Variants in ESCO2 observed in about 807,000 individuals in gnomAD.
The protein encoded by ESCO2 is establishment of sister chromatid cohesion N-acetyltransferase 2.
A neutral mutation model predicts 61.7 loss-of-function variants in ESCO2; 51 were observed. That is an observed-to-expected ratio of 0.83 (90% CI 0.66 to 1.04). The LOEUF (loss-of-function observed/expected upper bound fraction) is 1.04. Among genes scored for constraint, ESCO2 ranks in the 50% least tolerant of loss-of-function variants. The pLI, the probability that ESCO2 is intolerant of heterozygous loss-of-function variation, is 0.00. For synonymous variants in ESCO2, 230 were observed against 238.2 expected (o/e 0.97, Z 0.32); for missense variants, 692 against 686.2 (o/e 1.01, Z -0.09).
chr8:27,810,805 C>T (rs1050649059), downstream of ESCO2, among the ~76,000 whole-genome samples: 1 of 152,152 alleles, frequency 6.6e-6, no homozygotes, highest in African/African-American at 2.4e-5. Context: ...ATTTTTCTCC[C>T]TATTCTCAAT....
At chr8:27,789,029 G>C in intron 7 of ESCO2, 51 bp downstream of exon 7, 2 of 1,610,208 alleles carry the variant, frequency 1.2e-6, no homozygotes, top group Non-Finnish European at 1.7e-6. Context: ...AACTAAAAGA[G>C]ACATTTCTTT....
At chr8:27,799,883 C>T (rs1009020687) in intron 10 of ESCO2, among the ~76,000 whole-genome samples, 167 bp downstream of exon 10, 1 of 150,092 alleles carries the variant, frequency 6.7e-6, no homozygotes, top group African/African-American at 2.5e-5. Flanking sequence ...ACTAGATGTA[C>T]TCAGTCTAGG....
chr8:27,802,643 ATATATATATATAT>A lies in ESCO2; in HGVS notation c.1674-649_1674-637del, dbSNP rs1172472686. Among the ~76,000 whole-genome samples the A allele has an allele frequency of 3.8e-3, 285 of 74,280 alleles. 7 individuals carry two copies. Among genetic ancestry groups the A allele is most frequent in the Middle Eastern group, 8.1e-3 (1 of 124 alleles). 48.7% of individuals were successfully genotyped at this position (74,280 alleles called of 152,430 possible). A position where few individuals can be genotyped will look rare whatever the true frequency, so the allele number is the denominator to read the frequency against. On this transcript the variant is annotated intron_variant, in intron 10 of 10. Coordinates refer to ENST00000305188, the MANE Select transcript of ESCO2 (RefSeq NM_001017420.3). Reference sequence around the variant, plus strand: ...AAAAAAAAAAAAAATATATATATATATATATATATATATTATATATATATATATATAGTTACTG... The same window carrying A: ...AAAAAAAAAAAAAATATATATATATATATATATATATATATATAGTTACTG...
chr8:27,813,094 T>G (rs1805727960), downstream of ESCO2, among the ~76,000 whole-genome samples: 1 of 152,120 alleles, frequency 6.6e-6, no homozygotes, highest in Non-Finnish European at 1.5e-5. Flanking sequence ...AATGACTGGA[T>G]TAAGAAAATG....
chr8:27,773,421 T>C (rs978596354), upstream of ESCO2, among the ~76,000 whole-genome samples: 9 of 150,960 alleles, frequency 6.0e-5, no homozygotes, highest in African/African-American at 2.2e-4. Flanking sequence ...AAAACCTGCT[T>C]GTAGCAAAGG....
At chr8:27,786,633 T>C (rs977445982) in intron 5 of ESCO2, among the ~76,000 whole-genome samples, 1 of 152,218 alleles carries the variant, frequency 6.6e-6, no homozygotes, top group African/African-American at 2.4e-5. Flanking sequence ...ACAGCAAGTA[T>C]ATTTAGTGAA....
chr8:27,803,155 T>C (rs1805487886), intron 10 of ESCO2, 151 bp from the exon 11 acceptor site: 9 of 695,358 alleles, frequency 1.3e-5, no homozygotes, highest in Non-Finnish European at 1.9e-5. Context: ...TGAAATGATA[T>C]CATTAGACTT....
chr8:27,789,063 G>A lies in ESCO2; in HGVS notation c.1263+85G>A, dbSNP rs561101877. 9.2e-5 allele frequency: 143 copies of A among 1,548,214 alleles called. 2 individuals carry two copies. The highest frequency in any genetic ancestry group is 7.6e-4 in the South Asian group (66 of 87,364). ...TTTCCACCACCTCTACCACCCAGCCGGAAAAGTTAACTTTTAATGATGATG... is the reference window on the plus strand; with the variant it reads ...TTTCCACCACCTCTACCACCCAGCCAGAAAAGTTAACTTTTAATGATGATG... On this transcript the variant is annotated intron_variant, in intron 7 of 10. Coordinates refer to ENST00000305188, the MANE Select transcript of ESCO2 (RefSeq NM_001017420.3).
rs1804807292 is a variant in ESCO2, at chr8:27,776,964, T to C, written c.656T>C (p.Leu219Pro). The C allele has an allele frequency of 6.2e-7, 1 of 1,613,042 alleles. No homozygotes were observed. The highest frequency in any genetic ancestry group is 1.3e-5 in the African/African-American group (1 of 74,776). ...TTTTTTGTTAGAAAAAAATCTTCTC[T>C]TAGAAAATCGTCCCTGGAAAATGAG... ...AAFFVRKKSSLRKSSLENEPS... is the reference protein window; with the variant it reads ...AAFFVRKKSSPRKSSLENEPS... Residue 219 changes from leucine to proline, a missense_variant, in exon 3 of 11, where the codon CTT becomes CCT. Coordinates refer to ENST00000305188, the MANE Select transcript of ESCO2 (RefSeq NM_001017420.3).
At position 27,804,963 on chromosome 8, in the gene ESCO2, A is replaced by C; in HGVS notation, c.*1525A>C. 1 of 316,970 alleles carries C rather than the reference A, an allele frequency of 3.2e-6. No individual in the cohort carries two copies. Among genetic ancestry groups the C allele is most frequent in the Non-Finnish European group, 4.6e-6 (1 of 219,456 alleles). The allele number at this position is 316,970 out of a possible 1,614,324, so 19.6% of individuals were successfully genotyped here. ...AGTATATGTTAAATAAAATTCAGAT[A>C]ATACAGAAATAGAGATTGCCAAAAG... is the stretch of plus-strand genomic sequence containing the variant. On this transcript the variant is annotated 3_prime_UTR_variant, in exon 11 of 11. Transcript: ENST00000305188.
chr8:27,809,134 C>T (rs983773646), downstream of ESCO2, among the ~76,000 whole-genome samples: 3 of 152,236 alleles, frequency 2.0e-5, no homozygotes, highest in African/African-American at 7.2e-5. Context: ...GCTCTGTTGG[C>T]TTGGCAAAGA....
At chr8:27,774,788 C>T (rs1405649388) in intron 1 of ESCO2, 181 bp downstream of exon 1, 7 of 152,270 alleles carry the variant, frequency 4.6e-5, no homozygotes, top group African/African-American at 1.7e-4. Flanking sequence ...GCCGGGTTTC[C>T]CTCTTCCCGA....
At chr8:27,814,795 T>G (rs1805779290), downstream of ESCO2, among the ~76,000 whole-genome samples, 5 of 152,186 alleles carry the variant, frequency 3.3e-5, no homozygotes, top group South Asian at 1.0e-3. Context: ...TTCCAAATAC[T>G]TGGGGTTTCC....
At chr8:27,778,140 A>G (rs1185712859) in intron 3 of ESCO2, 3 of 152,352 alleles carry the variant, frequency 2.0e-5, no homozygotes, top group African/African-American at 7.2e-5. Flanking sequence ...CTGAGCCTTC[A>G]TTTCTACATG....
rs143231066 is a variant in ESCO2, at chr8:27,776,697, C to T, written c.389C>T (p.Pro130Leu). The T allele has an allele frequency of 8.7e-6, 14 of 1,613,522 alleles. No homozygotes were observed. Among genetic ancestry groups the T allele is most frequent in the Non-Finnish European group, 1.2e-5 (14 of 1,179,992 alleles). ...PIVTEKMQGK[P>L]VCSKKNNKKP... ...GTGACAGAAAAAATGCAAGGAAAAC[C>T]AGTCTGCTCCAAGAAGAACAACAAA... Residue 130 changes from proline (P) to leucine (L), a missense_variant, in exon 3 of 11, where the codon CCA (proline) becomes CTA (leucine). Physicochemically the swap from Pro to Leu is moderately conservative, Grantham distance 98. Coordinates refer to ENST00000305188, the MANE Select transcript of ESCO2 (RefSeq NM_001017420.3).
chr8:27,793,443 A>G (rs1257783736), intron 9 of ESCO2, among the ~76,000 whole-genome samples: 1 of 151,118 alleles, frequency 6.6e-6, no homozygotes, highest in African/African-American at 2.4e-5. Flanking sequence ...TGATGAGAAC[A>G]TTAAATCTAC....
chr8:27,792,711 A>C lies in ESCO2; in HGVS notation c.1397A>C (p.Gln466Pro), dbSNP rs1284573244. ...CTTGTTGATAATGAATTGGGCTTCCAGCAAGTTGTTCCTAAATGTCCAAAC... is the reference window on the plus strand; with the variant it reads ...CTTGTTGATAATGAATTGGGCTTCCCGCAAGTTGTTCCTAAATGTCCAAAC... ...QELVDNELGF[Q>P]QVVPKCPNKI... is the part of the protein sequence containing the mutation. Residue 466 changes from glutamine (Q) to proline (P), a missense_variant, in exon 9 of 11, where the codon CAG becomes CCG. By Grantham distance (76) the Gln-to-Pro change is moderately conservative. Transcript: ENST00000305188. 3 of 1,612,694 alleles carry C rather than the reference A, an allele frequency of 1.9e-6. No individual in the cohort carries two copies. Among genetic ancestry groups the C allele is most frequent in the Non-Finnish European group, 2.5e-6 (3 of 1,179,654 alleles).
intron 9 of ESCO2, among the ~76,000 whole-genome samples, chr8:27,799,227 A>G (rs1273036191): frequency 6.6e-6 from 1 of 152,198 alleles, no homozygotes; most frequent in East Asian, 1.9e-4. Flanking sequence ...GTGGTCATAT[A>G]TACATTTTAG....
intron 5 of ESCO2, among the ~76,000 whole-genome samples, chr8:27,786,441 T>A (rs1805043630): frequency 6.6e-6 from 1 of 152,230 alleles, no homozygotes; most frequent in Non-Finnish European, 1.5e-5. Flanking sequence ...TGGGCATGAC[T>A]GCCCTCAGCA....
Sources: allele counts gnomAD v4.1 joint callset (sites outside exome capture counted in the v4.1 genomes callset), GRCh38; gene constraint gnomAD v4.1.1; transcripts MANE v1.5; gene names NCBI Gene and HGNC (gene_info 2026-07-23, HGNC 2026-07-21).